The following CTNNA2 variants were observed in gnomAD, a reference collection of about 807,000 sequenced individuals.
The protein encoded by CTNNA2 is catenin alpha 2.
CTNNA2 carries 42 observed loss-of-function variants against 101.0 expected under a neutral mutation model. The observed-to-expected ratio is 0.42, with a 90% CI of 0.32 to 0.54. The LOEUF is 0.54. CTNNA2 is among the 20% of genes least tolerant of loss of function. The pLI, the probability that CTNNA2 is intolerant of heterozygous loss-of-function variation, is 0.14. For missense variants in CTNNA2, 871 were observed against 1,223.1 expected (o/e 0.71, Z 4.29); for synonymous variants, 450 against 456.4 (o/e 0.99, Z 0.18).
chr2:80,506,752 G>A (rs1218649230), intron 9 of CTNNA2, among the ~76,000 whole-genome samples: 1 of 152,200 alleles, frequency 6.6e-6, no homozygotes, highest in Non-Finnish European at 1.5e-5. Context: ...TCATAAGCAG[G>A]TCTAGCGTGG....
chr2:80,364,669 C>G (rs1212574522), intron 7 of CTNNA2, among the ~76,000 whole-genome samples: 1 of 148,972 alleles, frequency 6.7e-6, no homozygotes, highest in African/African-American at 2.5e-5. Flanking sequence ...CTTTTCTTTC[C>G]TCACCCCAGG....
intron 7 of CTNNA2, among the ~76,000 whole-genome samples, chr2:80,200,780 C>A (rs1342179487): frequency 2.0e-5 from 3 of 151,958 alleles, no homozygotes; most frequent in Admixed American, 6.5e-5. Context: ...ATGATCCACC[C>A]ACATCAGCCT....
intron 2 of CTNNA2, among the ~76,000 whole-genome samples, chr2:79,298,474 C>A (rs1032629886): frequency 1.3e-5 from 2 of 152,104 alleles, no homozygotes; most frequent in Non-Finnish European, 2.9e-5. Flanking sequence ...ACAACATTTG[C>A]GCATCACCCC....
chr2:79,464,162 G>T (rs1670907693), intron 4 of CTNNA2, among the ~76,000 whole-genome samples: 1 of 152,110 alleles, frequency 6.6e-6, no homozygotes, highest in African/African-American at 2.4e-5. Flanking sequence ...GCCCCGATGT[G>T]TGATGTTCCC....
intron 14 of CTNNA2, among the ~76,000 whole-genome samples, chr2:80,582,859 T>C (rs1257868040): frequency 6.6e-6 from 1 of 151,986 alleles, no homozygotes; most frequent in African/African-American, 2.4e-5. Flanking sequence ...GAAAGAAAAA[T>C]AATCAGAGGT....
intron 2 of CTNNA2, among the ~76,000 whole-genome samples, chr2:79,695,030 T>TC (rs988759029): frequency 1.3e-5 from 2 of 151,496 alleles, no homozygotes; most frequent in African/African-American, 4.8e-5. Flanking sequence ...TTACATTTTT[T>TC]TTTTTTTGGG....
intron 2 of CTNNA2, among the ~76,000 whole-genome samples, chr2:79,199,763 T>C (rs1447135339): frequency 6.6e-6 from 1 of 152,128 alleles, no homozygotes; most frequent in Non-Finnish European, 1.5e-5. Context: ...TTGGTGAGGG[T>C]CCTGTTCCTG....
chr2:80,450,414 T>C (rs1159842151), intron 9 of CTNNA2, among the ~76,000 whole-genome samples: 1 of 152,200 alleles, frequency 6.6e-6, no homozygotes, highest in Non-Finnish European at 1.5e-5. Flanking sequence ...CTTTGTGTTT[T>C]GGGAACATCC....
At chr2:80,125,300 C>T (rs751695756) in intron 7 of CTNNA2, among the ~76,000 whole-genome samples, 2 of 152,098 alleles carry the variant, frequency 1.3e-5, no homozygotes, top group Non-Finnish European at 2.9e-5. Context: ...ATTGCTGGCT[C>T]CACTGCACCG....
chr2:79,669,187 T>C lies in CTNNA2; in HGVS notation c.102+17529T>C, dbSNP rs534588936. Among the ~76,000 whole-genome samples the C allele has an allele frequency of 3.9e-4, 60 of 152,188 alleles. 1 individual carries two copies. The highest frequency in any genetic ancestry group is 2.9e-3 in the Admixed American group (45 of 15,278). On this transcript the variant is annotated intron_variant, in intron 2 of 18. Transcript: ENST00000402739. Reference sequence around the variant, plus strand: ...TTTAAGGGCCATGAAACCGGTATGATAGTAATTCTTAAGATTTTTAAATGA... The same window carrying C: ...TTTAAGGGCCATGAAACCGGTATGACAGTAATTCTTAAGATTTTTAAATGA...
chr2:80,373,843 G>A (rs1257087151), intron 7 of CTNNA2, among the ~76,000 whole-genome samples: 1 of 152,150 alleles, frequency 6.6e-6, no homozygotes, highest in African/African-American at 2.4e-5. Flanking sequence ...GTCTTGTGCT[G>A]TGAAATACTG....
At chr2:79,499,107 A>T (rs1232739547) in intron 4 of CTNNA2, 3 of 152,178 alleles carry the variant, frequency 2.0e-5, no homozygotes, top group African/African-American at 7.2e-5. Context: ...GTTATAAATT[A>T]CTTTTCTATA....
chr2:79,869,752 C>A (rs897653777), intron 4 of CTNNA2, 64 bp from the exon 5 acceptor site: 46 of 1,561,062 alleles, frequency 2.9e-5, no homozygotes, highest in Non-Finnish European at 3.9e-5. Flanking sequence ...AATTCCATTT[C>A]TAACATGTTG....
intron 7 of CTNNA2, among the ~76,000 whole-genome samples, chr2:80,362,888 G>A (rs1362616197): frequency 6.6e-6 from 1 of 151,922 alleles, no homozygotes; most frequent in African/African-American, 2.4e-5. Context: ...GGGAGGCTGA[G>A]CCAGGAGGAT....
At chr2:80,289,553 A>G (rs962371816) in intron 7 of CTNNA2, among the ~76,000 whole-genome samples, 2 of 152,196 alleles carry the variant, frequency 1.3e-5, no homozygotes, top group African/African-American at 4.8e-5. Context: ...TAAACATAAC[A>G]TGTCACTCTA....
rs548326652 is a variant in CTNNA2 at position 79,394,128 on chromosome 2, T to C, written c.-135+20115T>C. 1.2e-4 allele frequency among the ~76,000 whole-genome samples: 19 copies of C among 152,282 alleles called. No homozygotes were observed. The South Asian group carries it at 3.5e-3, about 28-fold the overall frequency. On this transcript the variant is annotated intron_variant, in intron 4 of 21. Coordinates refer to the CTNNA2 transcript ENST00000466387. ...GAGTTCACGGGGAGAAAGAGGCTTT[T>C]ACGTGCATTAAATCTGCACTCAAGG...
At chr2:80,276,572 T>G (rs915477941) in intron 7 of CTNNA2, among the ~76,000 whole-genome samples, 1 of 152,004 alleles carries the variant, frequency 6.6e-6, no homozygotes, top group African/African-American at 2.4e-5. Context: ...AAGGCTTCAA[T>G]GTACTTTCAC....
chr2:80,557,192 C>CAT (rs1282395947), intron 12 of CTNNA2, among the ~76,000 whole-genome samples: 2 of 152,130 alleles, frequency 1.3e-5, no homozygotes, highest in African/African-American at 4.8e-5. Context: ...TAGACTTAGA[C>CAT]ATAATAACAA....
At chr2:79,841,074 T>A (rs2103842492) in intron 3 of CTNNA2, among the ~76,000 whole-genome samples, 1 of 152,240 alleles carries the variant, frequency 6.6e-6, no homozygotes, top group East Asian at 1.9e-4. Context: ...CTGCCGAGAC[T>A]CCCTCTCTTA....
Sources: allele counts gnomAD v4.1 joint callset (sites outside exome capture counted in the v4.1 genomes callset), GRCh38; gene constraint gnomAD v4.1.1; transcripts MANE v1.5; gene names NCBI Gene and HGNC (gene_info 2026-07-23, HGNC 2026-07-21).